AGBL4: variants seen among roughly 807,000 people sequenced by gnomAD.
The protein encoded by AGBL4 is AGBL carboxypeptidase 4.
AGBL4 carries 58 observed loss-of-function variants against 66.4 expected under a neutral mutation model. That is an observed-to-expected ratio of 0.87 (90% CI 0.71 to 1.09). AGBL4 has a LOEUF of 1.09. AGBL4 is among the 50% of genes least tolerant of loss of function. AGBL4 has a pLI of 0.00. For synonymous variants in AGBL4, 234 were observed against 222.9 expected, an observed-to-expected ratio of 1.05 and a Z score of -0.44; for missense variants, 579 against 631.0, an observed-to-expected ratio of 0.92 and a Z score of 0.88.
chr1:49,715,450 G>A (rs1571391046), intron 2 of AGBL4, among the ~76,000 whole-genome samples: 1 of 152,164 alleles, frequency 6.6e-6, no homozygotes, highest in Admixed American at 6.6e-5. Context: ...CTTAATAGTA[G>A]AATGATTTAT....
chr1:48,984,382 C>G (rs1660008622), intron 5 of AGBL4, among the ~76,000 whole-genome samples: 1 of 151,316 alleles, frequency 6.6e-6, no homozygotes, highest in South Asian at 2.1e-4. Context: ...GGGACCTGAA[C>G]AGGGAAGCTC....
At chr1:48,661,908 G>T (rs569135676) in intron 7 of AGBL4, among the ~76,000 whole-genome samples, 3 of 152,306 alleles carry the variant, frequency 2.0e-5, no homozygotes, top group East Asian at 1.9e-4. Flanking sequence ...ACCTCAAGAG[G>T]TTACTGCAAG....
At chr1:48,646,441 T>G (rs1421913689) in intron 8 of AGBL4, among the ~76,000 whole-genome samples, 1 of 152,142 alleles carries the variant, frequency 6.6e-6, no homozygotes, top group Non-Finnish European at 1.5e-5. Context: ...TAGGTTCTGT[T>G]CTATTTTTGG....
intron 3 of AGBL4, among the ~76,000 whole-genome samples, chr1:49,382,989 T>A (rs537703325): frequency 6.6e-6 from 1 of 152,276 alleles, no homozygotes; most frequent in East Asian, 1.9e-4. Context: ...GCAGTTGCAT[T>A]TCTATACATT....
intron 5 of AGBL4, among the ~76,000 whole-genome samples, chr1:48,976,704 C>A (rs527359452): frequency 6.6e-6 from 1 of 152,050 alleles, no homozygotes; most frequent in Admixed American, 6.6e-5. Context: ...AAGCATGCAT[C>A]TACCTCTGGA....
chr1:49,695,216 C>T (rs1283632426), intron 3 of AGBL4, among the ~76,000 whole-genome samples: 1 of 152,062 alleles, frequency 6.6e-6, no homozygotes, highest in Non-Finnish European at 1.5e-5. Flanking sequence ...TGTTTTCCTT[C>T]CTTCATATGA....
chr1:48,534,443 AAAATGAGCAGACATT>A (rs2148251024), intron 13 of AGBL4, 150 bp from the exon 14 acceptor site: 2 of 1,114,838 alleles, frequency 1.8e-6, no homozygotes, highest in Non-Finnish European at 2.5e-6. Flanking sequence ...AAAGGTGACA[AAAATGAGCAGACATT>A]GATACTGTCT....
intron 13 of AGBL4, 26 bp from the exon 14 acceptor site, chr1:48,534,319 A>G: frequency 6.5e-7 from 1 of 1,543,820 alleles, no homozygotes; most frequent in Non-Finnish European, 8.7e-7. Flanking sequence ...TAACAGAAAG[A>G]GAGAAGACAG....
At chr1:49,336,728 A>T (rs1190398781) in intron 3 of AGBL4, among the ~76,000 whole-genome samples, 1 of 152,216 alleles carries the variant, frequency 6.6e-6, no homozygotes, top group Non-Finnish European at 1.5e-5. Flanking sequence ...TTAAGCATTT[A>T]TACTTACTTA....
intron 3 of AGBL4, among the ~76,000 whole-genome samples, chr1:49,301,978 G>C (rs532357447): frequency 1.3e-5 from 2 of 152,076 alleles, no homozygotes; most frequent in African/African-American, 4.8e-5. Context: ...TCCTTGCTCA[G>C]CTGCCTTGTT....
intron 4 of AGBL4, among the ~76,000 whole-genome samples, chr1:49,245,163 ATAT>A (rs954937253): frequency 2.6e-5 from 4 of 151,226 alleles, no homozygotes; most frequent in African/African-American, 7.3e-5. Context: ...AGTATTATTA[ATAT>A]TATTATTACC....
intron 4 of AGBL4, among the ~76,000 whole-genome samples, chr1:49,129,543 T>C (rs977089493): frequency 4.0e-5 from 6 of 149,250 alleles, no homozygotes; most frequent in Non-Finnish European, 7.4e-5. Context: ...AATTCCCACC[T>C]ATGAGTGAGA....
Position 49,980,625 on chromosome 1 carries a change from T to G in AGBL4, c.34+43138A>C, listed in dbSNP as rs1036980835. On this transcript the variant is annotated intron_variant, in intron 1 of 13. Coordinates refer to ENST00000371839, the MANE Select transcript of AGBL4 (RefSeq NM_032785.4). ...CCTTCCTTTCTAAGACTGAGTAATA[T>G]TCTATTGTATGTATATACCACATTT... Among the ~76,000 whole-genome samples, 14 of 152,154 alleles carry G rather than the reference T, an allele frequency of 9.2e-5. 1 individual carries two copies. Among genetic ancestry groups the G allele is most frequent in the African/African-American group, 3.4e-4 (14 of 41,446 alleles).
intron 4 of AGBL4, among the ~76,000 whole-genome samples, chr1:49,069,063 CT>C (rs201680209): frequency 0.02 from 2,980 of 152,248 alleles, 111 homozygotes; most frequent in African/African-American, 0.069. Flanking sequence ...AATTTGCCCA[CT>C]TCTTGATGGG....
intron 3 of AGBL4, among the ~76,000 whole-genome samples, chr1:49,575,707 C>T (rs1644422716): frequency 6.6e-6 from 1 of 152,200 alleles, no homozygotes. Flanking sequence ...TAATACATCT[C>T]CTGGTACCTA....
chr1:49,960,752 T>G (rs1342479330), intron 1 of AGBL4, among the ~76,000 whole-genome samples: 1 of 152,104 alleles, frequency 6.6e-6, no homozygotes. Flanking sequence ...CTCCATTTTA[T>G]AGGTGACAAA....
intron 3 of AGBL4, among the ~76,000 whole-genome samples, chr1:49,414,608 A>C (rs1436466196): frequency 6.6e-6 from 1 of 152,222 alleles, no homozygotes; most frequent in African/African-American, 2.4e-5. Context: ...TTAATGCTCT[A>C]GTCTCCATGG....
At chr1:49,503,677 C>T (rs1056279665) in intron 3 of AGBL4, among the ~76,000 whole-genome samples, 1 of 152,164 alleles carries the variant, frequency 6.6e-6, no homozygotes, top group Non-Finnish European at 1.5e-5. Flanking sequence ...CATTTTGGAG[C>T]TTTAAGGTTT....
chr1:49,527,553 T>A (rs1044353745), intron 3 of AGBL4: 22 of 152,830 alleles, frequency 1.4e-4, no homozygotes, highest in Admixed American at 1.4e-3. Context: ...CTTCTTTACA[T>A]CCAGGATATG....
Sources: gnomAD v4.1 joint callset for allele counts (sites outside exome capture counted in the v4.1 genomes callset) on GRCh38, gnomAD v4.1.1 for gene constraint, MANE v1.5 for transcripts, NCBI Gene and HGNC (gene_info 2026-07-23, HGNC 2026-07-21) for gene names.